The following VEZT variants were observed in gnomAD, a reference collection of about 807,000 sequenced individuals.
The protein encoded by VEZT is vezatin, adherens junctions transmembrane protein.
Under a neutral mutation model 79.9 loss-of-function variants are expected in VEZT, and 39 were observed. That is an observed-to-expected ratio of 0.49 (90% CI 0.38 to 0.64). VEZT has a LOEUF of 0.64. Ranked by LOEUF, VEZT falls within the 30% of genes least tolerant of loss-of-function variation. The pLI, the probability that VEZT is intolerant of heterozygous loss-of-function variation, is 0.00. For missense variants in VEZT, 837 were observed against 893.1 expected (o/e 0.94, Z 0.80); for synonymous variants, 325 against 327.6 (o/e 0.99, Z 0.09).
intron 1 of VEZT, among the ~76,000 whole-genome samples, chr12:95,224,536 T>C (rs1270033404): frequency 6.6e-6 from 1 of 152,170 alleles, no homozygotes; most frequent in African/African-American, 2.4e-5. Context: ...AGCCATCTTA[T>C]TTCCTGTGTT....
chr12:95,228,668 G>A (rs1453802790), intron 1 of VEZT, among the ~76,000 whole-genome samples: 1 of 152,056 alleles, frequency 6.6e-6, no homozygotes, highest in African/African-American at 2.4e-5. Flanking sequence ...TATTAATAGT[G>A]CTATTAAATC....
Position 95,262,906 on chromosome 12 carries a change from G to A in VEZT, c.259G>A (p.Asp87Asn). 2 of 1,584,932 alleles carry A rather than the reference G, an allele frequency of 1.3e-6. No homozygotes were observed. The highest frequency in any genetic ancestry group is 2.3e-5 in the South Asian group (2 of 88,058). ...NKKDDLLHKL[D>N]IGFRLDSLHT... ...TCTCTTCTGGTATTTTAATGGCAAG[G>A]ATATTGGATTCCGACTCGACTCATT... The change falls in exon 4 of 12, where the codon GAT (aspartate) becomes AAT (asparagine). Residue 87 changes from aspartate (D) to asparagine (N), a missense_variant and splice_region_variant. Physicochemically the swap from Asp to Asn is conservative, Grantham distance 23. Transcript: ENST00000436874.
intron 1 of VEZT, among the ~76,000 whole-genome samples, chr12:95,251,442 C>G (rs2137822889): frequency 6.6e-6 from 1 of 152,212 alleles, no homozygotes; most frequent in Non-Finnish European, 1.5e-5. Flanking sequence ...GTTCACAGTG[C>G]TGAGCATATG....
intron 6 of VEZT, among the ~76,000 whole-genome samples, chr12:95,272,546 A>C (rs1401854789): frequency 6.6e-6 from 1 of 152,222 alleles, no homozygotes; most frequent in African/African-American, 2.4e-5. Flanking sequence ...AAACCTTAAT[A>C]AATTTAACTA....
intron 2 of VEZT, chr12:95,256,437 A>G: frequency 8.3e-6 from 4 of 484,652 alleles, no homozygotes; most frequent in Non-Finnish European, 1.3e-5. Context: ...CTTTTCCAAT[A>G]CTTTTTCAGA....
rs1332437274 is a variant in VEZT at position 95,302,587 on chromosome 12, C to T, written c.*1914C>T. On this transcript the variant is annotated 3_prime_UTR_variant, in exon 12 of 12. Transcript: ENST00000436874. ...TATTTTCAAGATAAAGTATTATCTT[C>T]TCTGCAAAAATTCCTGGAGTAATTT... 3 of 151,966 alleles carry T rather than the reference C, an allele frequency of 2.0e-5. No individual in the cohort carries two copies. Among genetic ancestry groups the T allele is most frequent in the Non-Finnish European group, 2.9e-5 (2 of 68,000 alleles). 9.4% of individuals were successfully genotyped at this position (151,966 alleles called of 1,614,324 possible). A position where few individuals can be genotyped will look rare whatever the true frequency, so the allele number is the denominator to read the frequency against.
intron 1 of VEZT, among the ~76,000 whole-genome samples, chr12:95,248,720 G>C (rs887233596): frequency 4.0e-5 from 6 of 151,588 alleles, no homozygotes; most frequent in Non-Finnish European, 8.8e-5. Flanking sequence ...GGGCACGATG[G>C]CTTGCACCTG....
At chr12:95,248,119 A>T (rs1301861448) in intron 1 of VEZT, among the ~76,000 whole-genome samples, 12 of 152,214 alleles carry the variant, frequency 7.9e-5, no homozygotes, top group African/African-American at 2.4e-4. Context: ...TCTGTTACTA[A>T]TGATGGGGAA....
intron 7 of VEZT, among the ~76,000 whole-genome samples, chr12:95,281,267 A>G (rs976232978): frequency 2.6e-5 from 4 of 152,172 alleles, no homozygotes; most frequent in Non-Finnish European, 5.9e-5. Context: ...ATTTTAAAAA[A>G]AAGAAGAAGA....
At chr12:95,244,256 T>C (rs1434036458) in intron 1 of VEZT, among the ~76,000 whole-genome samples, 1 of 151,844 alleles carries the variant, frequency 6.6e-6, no homozygotes, top group African/African-American at 2.4e-5. Context: ...CCGGACATAA[T>C]GGCACATACC....
chr12:95,282,260 G>T, intron 7 of VEZT, 53 bp from the exon 8 acceptor site: 1 of 1,429,284 alleles, frequency 7.0e-7, no homozygotes, highest in Non-Finnish European at 9.2e-7. Context: ...AGTTTGTTTT[G>T]AACACTGACC....
chr12:95,281,632 G>A (rs2069135242), intron 7 of VEZT, among the ~76,000 whole-genome samples: 1 of 150,462 alleles, frequency 6.6e-6, no homozygotes, highest in African/African-American at 2.4e-5. Flanking sequence ...TGTAACGTCT[G>A]CCTCCCAAGT....
At chr12:95,270,458 G>A (rs1044465925) in intron 6 of VEZT, among the ~76,000 whole-genome samples, 16 of 152,142 alleles carry the variant, frequency 1.1e-4, no homozygotes, top group South Asian at 2.1e-4. Flanking sequence ...GAATGAAGTC[G>A]AAAGAGTCTG....
chr12:95,226,028 A>G (rs914845547), intron 1 of VEZT, among the ~76,000 whole-genome samples: 4 of 151,726 alleles, frequency 2.6e-5, no homozygotes, highest in Non-Finnish European at 4.4e-5. Flanking sequence ...CCAGGAGTTC[A>G]AGGCTGTGAT....
In VEZT at chr12:95,261,005, T is replaced by TAAA. The variant is rs10626291; in HGVS notation, c.259-1887_259-1885dup. Among the ~76,000 whole-genome samples, 671 of 131,250 alleles carry TAAA rather than the reference T, an allele frequency of 5.1e-3. 7 individuals are homozygous for TAAA. The highest frequency in any genetic ancestry group is 0.016 in the African/African-American group (561 of 35,288). 86.1% of individuals were successfully genotyped at this position (131,250 alleles called of 152,430 possible). A position where few individuals can be genotyped will look rare whatever the true frequency, so the allele number is the denominator to read the frequency against. ...ACATGCAGAGTGTGTCAGTAGATGGTAAAAAAAAAAAAAAAAGCCATATCA... is the reference window on the plus strand; with the variant it reads ...ACATGCAGAGTGTGTCAGTAGATGGTAAAAAAAAAAAAAAAAAAAGCCATATCA... On this transcript the variant is annotated intron_variant, in intron 3 of 11. Coordinates refer to ENST00000436874, the MANE Select transcript of VEZT (RefSeq NM_017599.4).
intron 4 of VEZT, among the ~76,000 whole-genome samples, chr12:95,265,986 A>G (rs1173423409): frequency 6.6e-6 from 1 of 152,170 alleles, no homozygotes; most frequent in African/African-American, 2.4e-5. Context: ...TTCTAGCTCC[A>G]GATTCTGTAT....
intron 8 of VEZT, among the ~76,000 whole-genome samples, chr12:95,285,924 G>A (rs7305909): frequency 0.75 from 112,485 of 150,106 alleles, 43,051 homozygotes; most frequent in African/African-American, 0.92. Flanking sequence ...TTTCATTAGA[G>A]TGTAGTTATT....
chr12:95,261,224 G>T (rs1035004415), intron 3 of VEZT, among the ~76,000 whole-genome samples: 1 of 152,078 alleles, frequency 6.6e-6, no homozygotes, highest in Non-Finnish European at 1.5e-5. Context: ...ATTATGATCA[G>T]CGAGGCCTGG....
At chr12:95,231,517 C>G (rs1436271875) in intron 1 of VEZT, 1 of 152,040 alleles carries the variant, frequency 6.6e-6, no homozygotes, top group Non-Finnish European at 1.5e-5. Context: ...TCATTTAGGT[C>G]AACTGGAGAA....
Sources: gnomAD v4.1 joint callset for allele counts (sites outside exome capture counted in the v4.1 genomes callset) on GRCh38, gnomAD v4.1.1 for gene constraint, MANE v1.5 for transcripts, NCBI Gene and HGNC (gene_info 2026-07-23, HGNC 2026-07-21) for gene names.